GPC6: variants seen among roughly 807,000 people sequenced by gnomAD.
The protein encoded by GPC6 is glypican 6.
In GPC6, 14 loss-of-function variants were observed where a neutral mutation model predicts 55.2. The ratio of observed to expected loss-of-function variants is 0.25; its 90% confidence interval spans 0.17 to 0.40. The LOEUF is 0.40. Among genes scored for constraint, GPC6 ranks in the 10% least tolerant of loss-of-function variants. The pLI is 1.00. For synonymous variants in GPC6, 278 were observed against 259.6 expected (o/e 1.07, Z -0.68); for missense variants, 641 against 708.5 (o/e 0.90, Z 1.08).
intron 3 of GPC6, among the ~76,000 whole-genome samples, chr13:93,951,799 AT>A (rs1403567229): frequency 1.3e-5 from 2 of 152,146 alleles, no homozygotes; most frequent in African/African-American, 4.8e-5. Flanking sequence ...AATTTTTTTT[AT>A]AAGAGAACTT....
chr13:93,945,334 ACTAATTATTCAGAG>A (rs1426932857), intron 3 of GPC6, among the ~76,000 whole-genome samples: 1 of 152,168 alleles, frequency 6.6e-6, no homozygotes, highest in African/African-American at 2.4e-5. Flanking sequence ...GAGAATAAGG[ACTAATTATTCAGAG>A]CTTGTGCCTG....
intron 3 of GPC6, among the ~76,000 whole-genome samples, chr13:94,026,622 C>T (rs1882908978): frequency 1.3e-5 from 2 of 152,148 alleles, no homozygotes; most frequent in South Asian, 4.1e-4. Flanking sequence ...ATTTTGGTCT[C>T]CACTATCTTG....
At chr13:93,374,753 C>A (rs1242231329) in intron 1 of GPC6, among the ~76,000 whole-genome samples, 3 of 152,108 alleles carry the variant, frequency 2.0e-5, no homozygotes, top group Non-Finnish European at 1.5e-5. Flanking sequence ...CTATTACTAC[C>A]TACCTGTTTT....
chr13:93,975,558 C>T (rs7990667), intron 3 of GPC6, among the ~76,000 whole-genome samples: 1,589 of 152,132 alleles, frequency 0.01, 33 homozygotes, highest in African/African-American at 0.037. Context: ...TAAACAGGTC[C>T]AATTTTTAGA....
intron 2 of GPC6, among the ~76,000 whole-genome samples, chr13:93,775,550 T>A (rs1331525915): frequency 6.6e-6 from 1 of 152,160 alleles, no homozygotes; most frequent in Non-Finnish European, 1.5e-5. Flanking sequence ...ACAAAAGAGA[T>A]GAGGCTGAGA....
intron 1 of GPC6, among the ~76,000 whole-genome samples, chr13:93,420,065 C>T (rs1423020205): frequency 1.3e-5 from 2 of 151,994 alleles, no homozygotes; most frequent in Non-Finnish European, 2.9e-5. Flanking sequence ...TGTTTTTGCC[C>T]AAAATTACTA....
intron 4 of GPC6, among the ~76,000 whole-genome samples, chr13:94,219,644 A>C (rs924254388): frequency 6.6e-6 from 1 of 152,170 alleles, no homozygotes; most frequent in Admixed American, 6.6e-5. Flanking sequence ...ATACTATGTG[A>C]CACCAACTTT....
At chr13:94,084,982 C>T (rs1034230402) in intron 4 of GPC6, among the ~76,000 whole-genome samples, 1 of 151,898 alleles carries the variant, frequency 6.6e-6, no homozygotes, top group Non-Finnish European at 1.5e-5. Flanking sequence ...ATAACTATAT[C>T]ATGGATCTTA....
At chr13:93,371,323 T>A (rs930903938) in intron 1 of GPC6, among the ~76,000 whole-genome samples, 1 of 152,066 alleles carries the variant, frequency 6.6e-6, no homozygotes, top group Non-Finnish European at 1.5e-5. Context: ...ATTAAATAGG[T>A]TTAATCAGCC....
At chr13:93,352,225 T>G (rs2139165424) in intron 1 of GPC6, among the ~76,000 whole-genome samples, 1 of 152,258 alleles carries the variant, frequency 6.6e-6, no homozygotes, top group South Asian at 2.1e-4. Flanking sequence ...ATAGCTAATT[T>G]TATGGTATGC....
At chr13:93,331,873 C>G (rs1235756282) in intron 1 of GPC6, among the ~76,000 whole-genome samples, 1 of 152,056 alleles carries the variant, frequency 6.6e-6, no homozygotes, top group African/African-American at 2.4e-5. Context: ...CCCCTCTACT[C>G]TCCCCAACCT....
At chr13:93,257,422 T>C (rs1450501334) in intron 1 of GPC6, among the ~76,000 whole-genome samples, 7 of 152,352 alleles carry the variant, frequency 4.6e-5, no homozygotes, top group Admixed American at 2.0e-4. Context: ...AAGTATCAGA[T>C]GATTGGCCTT....
intron 3 of GPC6, among the ~76,000 whole-genome samples, chr13:93,888,003 C>T (rs1875449305): frequency 6.6e-6 from 1 of 152,074 alleles, no homozygotes; most frequent in Non-Finnish European, 1.5e-5. Flanking sequence ...AGTCACATGA[C>T]CTGTGTAAAG....
rs1017341041 is a variant in GPC6, at chr13:93,707,589, T to C, written c.320-122565T>C. On this transcript the variant is annotated intron_variant, in intron 2 of 8. Coordinates refer to ENST00000377047, the MANE Select transcript of GPC6 (RefSeq NM_005708.5). ...ATTTCTGGACTGTACATCCAGGTGT[T>C]CCTAGACCAGGATAAGATTGCTATG... is the stretch of plus-strand genomic sequence containing the variant. 2.6e-5 allele frequency among the ~76,000 whole-genome samples: 4 copies of C among 151,862 alleles called. No individual in the cohort carries two copies. The East Asian group carries it at 5.9e-4, about 22-fold the overall frequency.
At chr13:93,223,354 C>G (rs772014835), upstream of GPC6, among the ~76,000 whole-genome samples, 2 of 152,142 alleles carry the variant, frequency 1.3e-5, no homozygotes, top group Non-Finnish European at 2.9e-5. Flanking sequence ...TGTGAAAGTA[C>G]TGTATAAACA....
At chr13:94,347,990 G>C (rs144162635) in intron 6 of GPC6, among the ~76,000 whole-genome samples, 1 of 152,282 alleles carries the variant, frequency 6.6e-6, no homozygotes, top group Non-Finnish European at 1.5e-5. Context: ...GGTTGATCAG[G>C]TTCTATGCAG....
intron 2 of GPC6, among the ~76,000 whole-genome samples, chr13:93,565,175 G>A (rs567273439): frequency 1.4e-4 from 21 of 152,108 alleles, no homozygotes; most frequent in African/African-American, 4.6e-4. Context: ...AACTTCCATG[G>A]ACCTGTGTCT....
intron 4 of GPC6, among the ~76,000 whole-genome samples, chr13:94,261,726 C>A (rs1185277935): frequency 1.3e-5 from 2 of 152,164 alleles, no homozygotes; most frequent in Non-Finnish European, 2.9e-5. Context: ...CATCATGACA[C>A]ACAGAAGAAT....
At chr13:94,213,519 G>A (rs917118966) in intron 4 of GPC6, among the ~76,000 whole-genome samples, 1 of 152,162 alleles carries the variant, frequency 6.6e-6, no homozygotes, top group African/African-American at 2.4e-5. Flanking sequence ...TCAGCTGGGT[G>A]GTTCTTCTAG....
Sources: gnomAD v4.1 joint callset for allele counts (sites outside exome capture counted in the v4.1 genomes callset) on GRCh38, gnomAD v4.1.1 for gene constraint, MANE v1.5 for transcripts, NCBI Gene and HGNC (gene_info 2026-07-23, HGNC 2026-07-21) for gene names.